TMEM101: variants seen among roughly 807,000 people sequenced by gnomAD.
TMEM101 encodes putative NF-kappa-B-activating protein 130.
In TMEM101, 14 loss-of-function variants were observed where a neutral mutation model predicts 26.0. The observed-to-expected ratio is 0.54, with a 90% CI of 0.36 to 0.84. The LOEUF (loss-of-function observed/expected upper bound fraction) is 0.84, where lower values mean the gene tolerates loss of function less well. Ranked by LOEUF, TMEM101 falls within the 40% of genes least tolerant of loss-of-function variation. TMEM101 has a pLI of 0.01. For synonymous variants in TMEM101, 152 were observed against 145.1 expected (o/e 1.05, Z -0.34); for missense variants, 292 against 345.1 (o/e 0.85, Z 1.22).
chr17:44,019,865 T>A (rs1597874333), upstream of TMEM101, among the ~76,000 whole-genome samples: 1 of 152,152 alleles, frequency 6.6e-6, no homozygotes, highest in Non-Finnish European at 1.5e-5. Context: ...GAGATTCATA[T>A]TGTGAGAATT....
chr17:44,018,126 T>C (rs1219052682), upstream of TMEM101, among the ~76,000 whole-genome samples: 1 of 151,790 alleles, frequency 6.6e-6, no homozygotes, highest in African/African-American at 2.4e-5. Context: ...CTCTATCTCA[T>C]AAATAAACAA....
chr17:44,022,433 A>G (rs181048699), intron 1 of TMEM101, among the ~76,000 whole-genome samples: 2 of 152,362 alleles, frequency 1.3e-5, no homozygotes, highest in African/African-American at 2.4e-5. Flanking sequence ...GAGCCTGATC[A>G]GTCAAGACAT....
intron 3 of TMEM101, chr17:44,012,599 C>T (rs913116754): frequency 2.5e-6 from 1 of 398,834 alleles, no homozygotes; most frequent in East Asian, 3.8e-5. Flanking sequence ...ACCCTGGCCT[C>T]CCCTAGCACC....
Position 44,011,288 on chromosome 17 carries a change from G to C in TMEM101, c.*640C>G, listed in dbSNP as rs901854713. 6.6e-6 allele frequency: 1 copy of C among 152,396 alleles called. No individual in the cohort carries two copies. Among genetic ancestry groups the C allele is most frequent in the African/African-American group, 2.4e-5 (1 of 41,470 alleles). 9.4% of individuals were successfully genotyped at this position (152,396 alleles called of 1,614,324 possible). On this transcript the variant is annotated 3_prime_UTR_variant, in exon 4 of 4. Transcript: ENST00000206380. ...AACCATGGAGCTAGAAACAGAGACAGCAGGAAGGGCAAAGCTGGCCACTGC... is the reference window on the plus strand; with the variant it reads ...AACCATGGAGCTAGAAACAGAGACACCAGGAAGGGCAAAGCTGGCCACTGC...
chr17:44,015,927 C>A (rs2049226049), upstream of TMEM101, among the ~76,000 whole-genome samples: 1 of 152,082 alleles, frequency 6.6e-6, no homozygotes, highest in Admixed American at 6.6e-5. Context: ...TGCCATGCTC[C>A]CGCTGTAACC....
chr17:44,014,604 C>A, intron 1 of TMEM101, 67 bp from the exon 2 acceptor site: 1 of 1,545,412 alleles, frequency 6.5e-7, no homozygotes, highest in South Asian at 1.2e-5. Context: ...CTTGAGACCC[C>A]TTGAGTTCCC....
upstream of TMEM101, among the ~76,000 whole-genome samples, chr17:44,015,653 A>T (rs574043879): frequency 3.9e-5 from 6 of 152,286 alleles, no homozygotes; most frequent in African/African-American, 1.4e-4. Context: ...TCGGCCTCCC[A>T]AAGTGCTGGG....
chr17:44,017,388 C>A (rs960894332), upstream of TMEM101, among the ~76,000 whole-genome samples: 2 of 151,026 alleles, frequency 1.3e-5, no homozygotes, highest in Non-Finnish European at 2.9e-5. Context: ...GTCAGGAGAT[C>A]GAGACCATCC....
upstream of TMEM101, among the ~76,000 whole-genome samples, chr17:44,015,385 CTT>C (rs11354004): frequency 4.0e-5 from 6 of 150,496 alleles, no homozygotes; most frequent in East Asian, 1.2e-3. Flanking sequence ...CTTTTTTTTT[CTT>C]TTTTTTTTGT....
At position 44,014,819 on chromosome 17, in the gene TMEM101, C is replaced by G; in HGVS notation, c.134G>C (p.Arg45Pro). The change falls in exon 1 of 4, where the codon CGC (arginine) becomes CCC (proline). Residue 45 changes from arginine (R) to proline (P), a missense_variant. Physicochemically the swap from Arg to Pro is moderately radical, Grantham distance 103. Coordinates refer to ENST00000206380, the MANE Select transcript of TMEM101 (RefSeq NM_032376.4). ...GCGGCTGCGTAGGCCTGCTCACCGG[C>G]GTGCCTCAGCCCTCTCAGCGTACAG... is the stretch of plus-strand genomic sequence containing the variant. Reference protein sequence around the residue: ...LMLYAERAEARRKPDIPVPYL... With the variant: ...LMLYAERAEAPRKPDIPVPYL... 2.5e-6 allele frequency: 4 copies of G among 1,574,558 alleles called. No individual in the cohort carries two copies. The highest frequency in any genetic ancestry group is 3.5e-6 in the Non-Finnish European group (4 of 1,157,858).
chr17:44,023,088 C>A, exon 1 of TMEM101: 1 of 383,348 alleles, frequency 2.6e-6, no homozygotes, highest in Non-Finnish European at 5.2e-6. Flanking sequence ...GCCTGGGCTC[C>A]AGAGTCGGCC....
chr17:44,017,686 C>A (rs2049247603), upstream of TMEM101, among the ~76,000 whole-genome samples: 1 of 148,760 alleles, frequency 6.7e-6, no homozygotes. Context: ...TTGCTTGAAT[C>A]TGGGAGACGG....
In TMEM101 at chr17:44,021,664, G is replaced by A. The variant is rs750418635; in HGVS notation, c.-323-229C>T. Among the ~76,000 whole-genome samples the A allele has an allele frequency of 4.5e-4, 68 of 152,266 alleles. 1 individual carries two copies. The highest frequency in any genetic ancestry group is 6.2e-4 in the South Asian group (3 of 4,824). On this transcript the variant is annotated intron_variant, in intron 1 of 4. Coordinates refer to the TMEM101 transcript ENST00000585950. ...CTCTGGCCTCCTCCTGAAGAGCTTCGAGGACGGCTACCAATTCAGCCAGCT... is the reference window on the plus strand; with the variant it reads ...CTCTGGCCTCCTCCTGAAGAGCTTCAAGGACGGCTACCAATTCAGCCAGCT...
upstream of TMEM101, among the ~76,000 whole-genome samples, chr17:44,017,858 T>C (rs1196004635): frequency 1.3e-5 from 2 of 151,862 alleles, no homozygotes; most frequent in Non-Finnish European, 2.9e-5. Context: ...GGGTCGGGCA[T>C]GGTGGCTCAC....
In TMEM101 at chr17:44,013,075, C is replaced by G. The variant is rs760948850; in HGVS notation, c.399G>C (p.Arg133=). 1 of 1,610,030 alleles carries G rather than the reference C, an allele frequency of 6.2e-7. No homozygotes were observed. The highest frequency in any genetic ancestry group is 1.1e-5 in the South Asian group (1 of 90,836). ...LASGAGELYR[R]KPRSRSLQST... is the part of the protein sequence containing the mutation. ...ACTGCAGGGAGCGGCTGCGAGGTTT[C>G]CGGCGGTACAGCTCCCCAGCACCGC... The change falls in exon 3 of 4, where the codon CGG becomes CGC. Residue 133 remains arginine (R), a synonymous_variant. Coordinates refer to ENST00000206380, the MANE Select transcript of TMEM101 (RefSeq NM_032376.4).
chr17:44,018,379 T>C (rs1279419632), upstream of TMEM101, among the ~76,000 whole-genome samples: 1 of 152,010 alleles, frequency 6.6e-6, no homozygotes. Flanking sequence ...AACTAGGGAA[T>C]GAGATTGTAT....
chr17:44,019,183 G>A (rs1597873774), upstream of TMEM101: 1 of 256,170 alleles, frequency 3.9e-6, no homozygotes, highest in Non-Finnish European at 7.7e-6. Context: ...GATATAGTAA[G>A]CAAGTTGCAA....
At chr17:44,013,790 T>G (rs1026816065) in intron 2 of TMEM101, among the ~76,000 whole-genome samples, 2 of 152,168 alleles carry the variant, frequency 1.3e-5, no homozygotes, top group African/African-American at 4.8e-5. Flanking sequence ...TTATTCTACA[T>G]GGCATGGGAT....
At chr17:44,017,713 A>C (rs1458716662), upstream of TMEM101, among the ~76,000 whole-genome samples, 1 of 151,462 alleles carries the variant, frequency 6.6e-6, no homozygotes. Context: ...GAGTGAGCCA[A>C]GTTCGCGCCA....
Sources: allele counts gnomAD v4.1 joint callset (sites outside exome capture counted in the v4.1 genomes callset), GRCh38; gene constraint gnomAD v4.1.1; transcripts MANE v1.5; gene names NCBI Gene and HGNC (gene_info 2026-07-23, HGNC 2026-07-21).